Variants in TNFSF4 observed in about 807,000 individuals in gnomAD.
TNFSF4 encodes tumor necrosis factor ligand superfamily member 4.
Under a neutral mutation model 7.3 loss-of-function variants are expected in TNFSF4, and 4 were observed. The ratio of observed to expected loss-of-function variants is 0.55; its 90% CI spans 0.27 to 1.25. The LOEUF (loss-of-function observed/expected upper bound fraction) is 1.25. TNFSF4 is among the 50% of genes most tolerant of loss of function. TNFSF4 has a pLI of 0.12. For synonymous variants in TNFSF4, 76 were observed against 83.7 expected, an observed-to-expected ratio of 0.91 and a Z score of 0.50; for missense variants, 181 against 208.8, an observed-to-expected ratio of 0.87 and a Z score of 0.82.
the TNFSF4 span, among the ~76,000 whole-genome samples, chr1:173,448,168 T>C: frequency 2.6e-5 from 4 of 152,072 alleles, no homozygotes; most frequent in Admixed American, 1.3e-4. Flanking sequence ...ACAACCATAG[T>C]TGGAGACTTT....
At chr1:173,222,775 G>A in the TNFSF4 span, among the ~76,000 whole-genome samples, 2,481 of 152,316 alleles carry the variant, frequency 0.016, 67 homozygotes, top group African/African-American at 0.057. Flanking sequence ...GCTATTAAAG[G>A]TGAAATGAAA....
the TNFSF4 span, among the ~76,000 whole-genome samples, chr1:173,442,557 T>TTG: frequency 1.4e-5 from 2 of 143,866 alleles, no homozygotes; most frequent in African/African-American, 5.1e-5. Flanking sequence ...TTTTGTTTTT[T>TTG]TTTTTTTTTT....
chr1:173,450,422 G>C, the TNFSF4 span, among the ~76,000 whole-genome samples: 1 of 151,916 alleles, frequency 6.6e-6, no homozygotes, highest in Non-Finnish European at 1.5e-5. Context: ...CTTCTCAATT[G>C]ATTTTATGAG....
chr1:173,320,504 A>G, the TNFSF4 span, among the ~76,000 whole-genome samples: 1 of 152,190 alleles, frequency 6.6e-6, no homozygotes, highest in East Asian at 1.9e-4. Flanking sequence ...AAAGAAATAA[A>G]GGGTATTCAA....
the TNFSF4 span, among the ~76,000 whole-genome samples, chr1:173,436,518 TC>T: frequency 6.6e-6 from 1 of 152,176 alleles, no homozygotes; most frequent in African/African-American, 2.4e-5. Flanking sequence ...CAAGCAACTC[TC>T]CTGCCTCAGC....
At chr1:173,273,640 A>C in the TNFSF4 span, among the ~76,000 whole-genome samples, 1 of 152,116 alleles carries the variant, frequency 6.6e-6, no homozygotes, top group African/African-American at 2.4e-5. Flanking sequence ...ATTTCAGAGG[A>C]ATTACACATT....
At chr1:173,269,111 T>G in the TNFSF4 span, among the ~76,000 whole-genome samples, 1 of 152,132 alleles carries the variant, frequency 6.6e-6, no homozygotes, top group Non-Finnish European at 1.5e-5. Flanking sequence ...GAATTAATAT[T>G]TACATGTATT....
At chr1:173,389,745 G>A in the TNFSF4 span, among the ~76,000 whole-genome samples, 1 of 152,042 alleles carries the variant, frequency 6.6e-6, no homozygotes, top group African/African-American at 2.4e-5. Flanking sequence ...TTTTAACTAA[G>A]TTGCTGATTC....
At chr1:173,248,599 T>A in the TNFSF4 span, among the ~76,000 whole-genome samples, 1 of 152,042 alleles carries the variant, frequency 6.6e-6, no homozygotes, top group Non-Finnish European at 1.5e-5. Context: ...AAGTTTCACA[T>A]GGGAGAGAGA....
chr1:173,312,810 C>T, the TNFSF4 span, among the ~76,000 whole-genome samples: 1 of 152,090 alleles, frequency 6.6e-6, no homozygotes, highest in Non-Finnish European at 1.5e-5. Context: ...ACAGGGCCCC[C>T]AACCAGCACA....
chr1:173,357,133 T>C, the TNFSF4 span, among the ~76,000 whole-genome samples: 1 of 152,204 alleles, frequency 6.6e-6, no homozygotes, highest in South Asian at 2.1e-4. Context: ...AGGAAGTCAA[T>C]TGACTTTGGG....
At chr1:173,431,431 G>A in the TNFSF4 span, among the ~76,000 whole-genome samples, 1 of 152,202 alleles carries the variant, frequency 6.6e-6, no homozygotes, top group Non-Finnish European at 1.5e-5. Context: ...AGAGCCATGC[G>A]CTGATTGTTG....
At chr1:173,355,053 A>T in the TNFSF4 span, among the ~76,000 whole-genome samples, 1 of 152,174 alleles carries the variant, frequency 6.6e-6, no homozygotes, top group Non-Finnish European at 1.5e-5. Flanking sequence ...TCTGGGAGAT[A>T]ATCTGTTCCC....
chr1:173,369,753 G>T, the TNFSF4 span, among the ~76,000 whole-genome samples: 1 of 152,102 alleles, frequency 6.6e-6, no homozygotes, highest in Non-Finnish European at 1.5e-5. Context: ...CCACCTGAAG[G>T]GAGCATAAAT....
chr1:173,271,101 C>G, the TNFSF4 span, among the ~76,000 whole-genome samples: 1 of 152,112 alleles, frequency 6.6e-6, no homozygotes, highest in African/African-American at 2.4e-5. Context: ...GTTGCCTGTT[C>G]ACTCTGATGC....
At chr1:173,380,630 C>T in the TNFSF4 span, among the ~76,000 whole-genome samples, 4 of 152,234 alleles carry the variant, frequency 2.6e-5, no homozygotes, top group East Asian at 5.8e-4. Context: ...AGCAGCGTCC[C>T]CACCACTAGT....
At chr1:173,360,258 C>G in the TNFSF4 span, among the ~76,000 whole-genome samples, 5 of 152,322 alleles carry the variant, frequency 3.3e-5, no homozygotes, top group African/African-American at 1.2e-4. Flanking sequence ...TCTGAAGTCT[C>G]CTGGCTTCCC....
At chr1:173,447,526 A>G in the TNFSF4 span, among the ~76,000 whole-genome samples, 1 of 152,128 alleles carries the variant, frequency 6.6e-6, no homozygotes, top group African/African-American at 2.4e-5. Context: ...TTTTCACTCA[A>G]TTTGTCTGTG....
At chr1:173,340,566 C>G in the TNFSF4 span, among the ~76,000 whole-genome samples, 1 of 152,026 alleles carries the variant, frequency 6.6e-6, no homozygotes, top group African/African-American at 2.4e-5. Context: ...ACCAGTTCCC[C>G]AGGGCAGATA....
Sources: allele counts gnomAD v4.1 joint callset (sites outside exome capture counted in the v4.1 genomes callset), GRCh38; gene constraint gnomAD v4.1.1; transcripts MANE v1.5; gene names NCBI Gene and HGNC (gene_info 2026-07-23, HGNC 2026-07-21).